Variants in ABCB11 observed in about 807,000 individuals in gnomAD.
ABCB11 encodes bile salt export pump.
Under a neutral mutation model 148.0 loss-of-function variants are expected in ABCB11, and 95 were observed. The ratio of observed to expected loss-of-function variants is 0.64; its 90% CI spans 0.54 to 0.76. ABCB11 has a LOEUF of 0.76. ABCB11 is among the 30% of genes least tolerant of loss of function. ABCB11 has a pLI of 0.00. For synonymous variants in ABCB11, 591 were observed against 555.4 expected (o/e 1.06, Z -0.90); for missense variants, 1,523 against 1,617.8 (o/e 0.94, Z 1.01).
At chr2:169,019,207 A>G (rs1205381923) in intron 1 of ABCB11, among the ~76,000 whole-genome samples, 1 of 152,168 alleles carries the variant, frequency 6.6e-6, no homozygotes, top group East Asian at 1.9e-4. Flanking sequence ...ATATACACAC[A>G]TGTACAAATA....
chr2:168,997,839 A>G (rs1266558544), intron 5 of ABCB11, among the ~76,000 whole-genome samples: 5 of 152,022 alleles, frequency 3.3e-5, no homozygotes, highest in Non-Finnish European at 1.5e-5. Flanking sequence ...TTGCTAGTAG[A>G]TTGCAAGCTA....
At chr2:169,001,553 G>T (rs1694873648) in intron 5 of ABCB11, among the ~76,000 whole-genome samples, 1 of 152,218 alleles carries the variant, frequency 6.6e-6, no homozygotes, top group African/African-American at 2.4e-5. Context: ...TGAGTGAGGG[G>T]GTGGCACAAG....
chr2:169,014,185 A>G, intron 4 of ABCB11, 118 bp downstream of exon 4: 1 of 978,852 alleles, frequency 1.0e-6, no homozygotes, highest in Non-Finnish European at 1.6e-6. Context: ...CTATGACTGA[A>G]AAAGTGATCA....
chr2:169,021,986 A>T lies in ABCB11; in HGVS notation c.-27-3834T>A, dbSNP rs533069906. Among the ~76,000 whole-genome samples the T allele has an allele frequency of 6.6e-5, 10 of 152,138 alleles. No individual in the cohort carries two copies. In the East Asian group the frequency reaches 1.7e-3, roughly 26 times the overall value. On this transcript the variant is annotated intron_variant, in intron 1 of 27. Transcript: ENST00000650372. ...CTAAAAAATTAAACACTAGTAAAAC[A>T]CACACACATATACTCAGTAAAATTG... is the stretch of plus-strand genomic sequence containing the variant.
At position 168,986,235 on chromosome 2, in the gene ABCB11, T is replaced by G. The variant is rs772170573; in HGVS notation, c.958A>C (p.Ile320Leu). 4 of 1,613,222 alleles carry G rather than the reference T, an allele frequency of 2.5e-6. No individual in the cohort carries two copies. The South Asian group carries it at 4.4e-5, about 18-fold the overall frequency. The change falls in exon 10 of 28, where the codon ATA (isoleucine) becomes CTA (leucine). Residue 320 changes from isoleucine (I) to leucine (L), a missense_variant. Transcript: ENST00000650372. ...AATCCAGTAAAGAATCCCATCACTATTCCTTTTCTAATTCCCCAACGCTGG... is the reference window on the plus strand; with the variant it reads ...AATCCAGTAAAGAATCCCATCACTAGTCCTTTTCTAATTCCCCAACGCTGG... ...FAQRWGIRKG[I>L]VMGFFTGFVW...
chr2:168,960,978 A>T (rs997726871), intron 18 of ABCB11, among the ~76,000 whole-genome samples: 20 of 150,436 alleles, frequency 1.3e-4, no homozygotes, highest in African/African-American at 4.9e-4. Context: ...TTTAAAAAAA[A>T]TCATATGTAA....
chr2:168,947,178 C>T (rs1692360401), intron 19 of ABCB11, among the ~76,000 whole-genome samples: 1 of 151,712 alleles, frequency 6.6e-6, no homozygotes, highest in Non-Finnish European at 1.5e-5. Flanking sequence ...GATTAACCTG[C>T]TGTAACTTAA....
intron 7 of ABCB11, among the ~76,000 whole-genome samples, chr2:168,994,167 A>G (rs1221650047): frequency 6.6e-6 from 1 of 152,024 alleles, no homozygotes. Context: ...TTTCTTTTAC[A>G]TAGCTAATAT....
intron 19 of ABCB11, among the ~76,000 whole-genome samples, chr2:168,957,196 A>G (rs1261698958): frequency 1.3e-5 from 2 of 151,662 alleles, no homozygotes; most frequent in African/African-American, 4.8e-5. Flanking sequence ...CTGGCTCTAC[A>G]GTTACACTGG....
intron 5 of ABCB11, among the ~76,000 whole-genome samples, chr2:169,007,401 A>G (rs1400870252): frequency 1.3e-5 from 2 of 152,184 alleles, no homozygotes; most frequent in Non-Finnish European, 1.5e-5. Context: ...ACACTGCTAT[A>G]AAGAAATACC....
At chr2:168,965,778 A>G (rs1021326336) in intron 17 of ABCB11, among the ~76,000 whole-genome samples, 3 of 151,850 alleles carry the variant, frequency 2.0e-5, no homozygotes, top group African/African-American at 7.2e-5. Flanking sequence ...TTTTGCATCC[A>G]AGTGAAATTT....
chr2:168,976,509 T>G (rs1047713389), intron 12 of ABCB11, 68 bp downstream of exon 12: 2 of 920,458 alleles, frequency 2.2e-6, no homozygotes, highest in Non-Finnish European at 3.2e-6. Flanking sequence ...ATGAGCAATT[T>G]GTGGTTATGC....
intron 19 of ABCB11, among the ~76,000 whole-genome samples, chr2:168,950,768 G>C (rs559709248): frequency 6.6e-6 from 1 of 151,744 alleles, no homozygotes; most frequent in Non-Finnish European, 1.5e-5. Context: ...CTGTGCAAAA[G>C]CTTTTTAGCT....
chr2:168,987,039 A>C (rs1291699393), intron 9 of ABCB11, among the ~76,000 whole-genome samples: 2 of 152,182 alleles, frequency 1.3e-5, no homozygotes, highest in East Asian at 3.9e-4. Context: ...TCTTTTATTG[A>C]CAATAAAAGA....
intron 1 of ABCB11, 50 bp downstream of exon 1, chr2:169,031,175 G>GT (rs1360693778): frequency 2.0e-5 from 3 of 152,180 alleles, no homozygotes; most frequent in Non-Finnish European, 4.4e-5. Flanking sequence ...CAAAGTAAGA[G>GT]TTAAAGGGAA....
chr2:169,000,932 AT>A (rs1009069226), intron 5 of ABCB11, among the ~76,000 whole-genome samples: 3 of 151,852 alleles, frequency 2.0e-5, no homozygotes, highest in Non-Finnish European at 2.9e-5. Context: ...CTGCTTGAAC[AT>A]TTTTTTAGAA....
rs1278645205 is a variant in ABCB11 at position 168,964,253 on chromosome 2, G to C, written c.2131C>G (p.Pro711Ala). ...GACTTATGATCTACAACAGCTAATG[G>C]AGGTTCGTGCACCAGGTAAGAAAGC... ...SQLSYLVHEP[P>A]LAVVDHKSTY... Residue 711 changes from proline (P) to alanine (A), a missense_variant, in exon 18 of 28, where the codon CCA (proline) becomes GCA (alanine). Transcript: ENST00000650372. 4 of 1,570,706 alleles carry C rather than the reference G, an allele frequency of 2.5e-6. No individual in the cohort carries two copies. The highest frequency in any genetic ancestry group is 3.5e-6 in the Non-Finnish European group (4 of 1,156,060).
rs3815675 is a variant in ABCB11 at position 169,014,345 on chromosome 2, A to G, written c.108T>C (p.Asp36=). 0.012 allele frequency: 19,097 copies of G among 1,613,040 alleles called. 2,038 individuals are homozygous for G. In the East Asian group the frequency reaches 0.28, roughly 24 times the overall value. ...YNNDKKSRLQ[D]EKKGDGVRVG... ...CTCTAACGCCATCACCTTTCTTCTC[A>G]TCTTGTAACCTGATGAGAAAAACAT... is the stretch of plus-strand genomic sequence containing the variant. Residue 36 remains aspartate (D), a synonymous_variant, in exon 4 of 28, where the codon GAT becomes GAC. Coordinates refer to ENST00000650372, the MANE Select transcript of ABCB11 (RefSeq NM_003742.4).
chr2:168,957,926 G>A, intron 19 of ABCB11, 38 bp downstream of exon 19: 8 of 1,450,032 alleles, frequency 5.5e-6, no homozygotes, highest in Non-Finnish European at 7.4e-6. Flanking sequence ...AAAATAAAAG[G>A]TATGAGAAGA....
Sources: gnomAD v4.1 joint callset for allele counts (sites outside exome capture counted in the v4.1 genomes callset) on GRCh38, gnomAD v4.1.1 for gene constraint, MANE v1.5 for transcripts, NCBI Gene and HGNC (gene_info 2026-07-23, HGNC 2026-07-21) for gene names.